WRAP73: variants seen among roughly 807,000 people sequenced by gnomAD.
WRAP73 encodes the protein WD repeat-containing protein WRAP73.
Under a neutral mutation model 59.6 loss-of-function variants are expected in WRAP73, and 55 were observed. The observed-to-expected ratio is 0.92, with a 90% CI of 0.74 to 1.15. The LOEUF is 1.15. WRAP73 is among the 50% of genes most tolerant of loss of function. The pLI, the probability that WRAP73 is intolerant of heterozygous loss-of-function variation, is 0.00. For missense variants in WRAP73, 592 were observed against 608.1 expected, an observed-to-expected ratio of 0.97 and a Z score of 0.28; for synonymous variants, 265 against 258.2, an observed-to-expected ratio of 1.03 and a Z score of -0.25.
intron 10 of WRAP73, chr1:3,631,878 C>G (rs1001468655): frequency 5.1e-6 from 7 of 1,363,908 alleles, no homozygotes; most frequent in Non-Finnish European, 6.6e-6. Context: ...GTGTTTCTTT[C>G]TTTGGTATTT....
chr1:3,636,933 A>G (rs753611384), intron 5 of WRAP73, 62 bp downstream of exon 5: 2 of 1,502,338 alleles, frequency 1.3e-6, no homozygotes, highest in Non-Finnish European at 1.8e-6. Flanking sequence ...GGAAGGATCT[A>G]CTTCACTCGA....
rs1644581440 is a variant in WRAP73 at position 3,635,501 on chromosome 1, G to A, written c.604-207C>T. 3 of 664,688 alleles carry A rather than the reference G, an allele frequency of 4.5e-6. No homozygotes were observed. In the South Asian group the frequency reaches 5.9e-5, roughly 13 times the overall value. The allele number at this position is 664,688 out of a possible 1,614,324, so 41.2% of individuals were successfully genotyped here. A position where few individuals can be genotyped will look rare whatever the true frequency, so the allele number is the denominator to read the frequency against. On this transcript the variant is annotated intron_variant, in intron 6 of 11. Coordinates refer to ENST00000270708, the MANE Select transcript of WRAP73 (RefSeq NM_017818.4). ...AGCATGAGGAAAAAGGGGAAATTGG[G>A]AGGTCAACCTAATGGCTCGCTGATA...
chr1:3,638,620 A>G, intron 4 of WRAP73, 130 bp downstream of exon 4: 1 of 939,094 alleles, frequency 1.1e-6, no homozygotes, highest in South Asian at 1.4e-5. Context: ...GTCTCCTTTA[A>G]AAGAGCCCAA....
intron 3 of WRAP73, among the ~76,000 whole-genome samples, chr1:3,644,752 G>C (rs1644673845): frequency 6.6e-6 from 1 of 152,214 alleles, no homozygotes; most frequent in Non-Finnish European, 1.5e-5. Context: ...TGTAGCAAAG[G>C]TGTTTTCAAT....
chr1:3,642,168 G>T lies in WRAP73; in HGVS notation c.340-3346C>A, dbSNP rs531127629. 4.6e-5 allele frequency among the ~76,000 whole-genome samples: 7 copies of T among 152,348 alleles called. No individual in the cohort carries two copies. In the East Asian group the frequency reaches 1.3e-3, roughly 29 times the overall value. On this transcript the variant is annotated intron_variant, in intron 3 of 11. Coordinates refer to ENST00000270708, the MANE Select transcript of WRAP73 (RefSeq NM_017818.4). ...TACAGGAGGCTGGGAAGGAAGGATT[G>T]CGTGAGTTTAGGAGCTCGAGACCAG...
intron 3 of WRAP73, among the ~76,000 whole-genome samples, chr1:3,641,254 G>A (rs72857310): frequency 0.064 from 9,740 of 151,742 alleles, 976 homozygotes; most frequent in African/African-American, 0.22. Flanking sequence ...TGCTGAAGAC[G>A]GAAGGAACGG....
At chr1:3,642,963 T>C (rs548234465) in intron 3 of WRAP73, among the ~76,000 whole-genome samples, 1 of 152,056 alleles carries the variant, frequency 6.6e-6, no homozygotes, top group East Asian at 1.9e-4. Flanking sequence ...ATTGTAATCC[T>C]GCCACAAAAG....
At chr1:3,631,208 G>A (rs1401757965) in intron 11 of WRAP73, 91 bp from the exon 12 acceptor site, 14 of 1,568,160 alleles carry the variant, frequency 8.9e-6, no homozygotes, top group Non-Finnish European at 1.1e-5. Flanking sequence ...CCAGCACAGT[G>A]CCTGGAGTGA....
intron 3 of WRAP73, among the ~76,000 whole-genome samples, chr1:3,643,645 G>C (rs1421616341): frequency 9.4e-6 from 1 of 106,774 alleles, no homozygotes; most frequent in Non-Finnish European, 2.0e-5. Context: ...TCGCGCCTTC[G>C]GAAGGGGACC....
chr1:3,635,895 T>C, intron 6 of WRAP73, 49 bp downstream of exon 6: 1 of 1,485,958 alleles, frequency 6.7e-7, no homozygotes, highest in South Asian at 1.2e-5. Flanking sequence ...AGCATGAAAT[T>C]CCGGGAAAAG....
intron 1 of WRAP73, among the ~76,000 whole-genome samples, chr1:3,648,340 C>T (rs1373705454): frequency 1.3e-5 from 2 of 152,150 alleles, no homozygotes; most frequent in South Asian, 2.1e-4. Flanking sequence ...TTAACTGCTT[C>T]GTTAGTTTTA....
rs1312972197 is a variant in WRAP73 at position 3,635,193 on chromosome 1, A to G, written c.705T>C (p.Ser235=). Residue 235 remains serine, a synonymous_variant, in exon 7 of 12, where the codon AGT becomes AGC. Coordinates refer to ENST00000270708, the MANE Select transcript of WRAP73 (RefSeq NM_017818.4). ...GIKSVAWSPS[S]QFLAVGSYDG... Reference sequence around the variant, plus strand: ...CATAGCTCCCAACTGCCAGGAACTGACTGCTGGGGCTCCAGGCCACAGACT... The same window carrying G: ...CATAGCTCCCAACTGCCAGGAACTGGCTGCTGGGGCTCCAGGCCACAGACT... 1 of 1,614,094 alleles carries G rather than the reference A, an allele frequency of 6.2e-7. No individual in the cohort carries two copies.
chr1:3,642,344 T>C (rs1040611511), intron 3 of WRAP73, among the ~76,000 whole-genome samples: 1 of 152,186 alleles, frequency 6.6e-6, no homozygotes, highest in Non-Finnish European at 1.5e-5. Flanking sequence ...TGCTGGCACA[T>C]AGGTGGACCA....
chr1:3,635,883 A>T, intron 6 of WRAP73, 61 bp downstream of exon 6: 1 of 1,398,136 alleles, frequency 7.2e-7, no homozygotes. Context: ...CAGCATTCAG[A>T]AAGCATGAAA....
chr1:3,647,609 G>C, intron 1 of WRAP73, 49 bp from the exon 2 acceptor site: 1 of 1,589,864 alleles, frequency 6.3e-7, no homozygotes, highest in Non-Finnish European at 8.6e-7. Flanking sequence ...CTCCAAAAGA[G>C]GGGGGCCTTC....
At position 3,633,435 on chromosome 1, in the gene WRAP73, C is replaced by G. The variant is rs77612789; in HGVS notation, c.885G>C (p.Arg295=). Residue 295 remains arginine (R), a synonymous_variant, in exon 9 of 12, where the codon CGG becomes CGC. Coordinates refer to ENST00000270708, the MANE Select transcript of WRAP73 (RefSeq NM_017818.4). ...GLGCLSFPPP[R]AGAGPLPSSE... ...AGCTCGGGAGAGGGCCGGCCCCGGCCCGGGGCGGCGGGAAGGAGAGGCAGC... is the reference window on the plus strand; with the variant it reads ...AGCTCGGGAGAGGGCCGGCCCCGGCGCGGGGCGGCGGGAAGGAGAGGCAGC... 2.3e-3 allele frequency: 3,716 copies of G among 1,612,200 alleles called. 72 individuals carry two copies. In the African/African-American group the frequency reaches 0.043, roughly 19 times the overall value.
In WRAP73 at chr1:3,639,058, G is replaced by C. The variant is rs1644614368; in HGVS notation, c.340-236C>G. 1 of 506,472 alleles carries C rather than the reference G, an allele frequency of 2.0e-6. No individual in the cohort carries two copies. Among genetic ancestry groups the C allele is most frequent in the Non-Finnish European group, 3.5e-6 (1 of 288,502 alleles). The allele number at this position is 506,472 out of a possible 1,614,324, so 31.4% of individuals were successfully genotyped here. On this transcript the variant is annotated intron_variant, in intron 3 of 11. Transcript: ENST00000270708. The surrounding 1 kb of genome is among the most constrained non-coding windows in gnomAD (Gnocchi z 4.3). ...TGTTGTTGTTTTATACCAAAATTGAGTGACACAAAGTTAAATCCAAGTGCT... is the reference window on the plus strand; with the variant it reads ...TGTTGTTGTTTTATACCAAAATTGACTGACACAAAGTTAAATCCAAGTGCT...
At chr1:3,649,614 G>A (rs907082339) in intron 1 of WRAP73, among the ~76,000 whole-genome samples, 2 of 149,816 alleles carry the variant, frequency 1.3e-5, no homozygotes, top group African/African-American at 4.9e-5. Flanking sequence ...GCACCTGTCC[G>A]GCCCCCATAT....
At chr1:3,633,530 G>A (rs377223084) in intron 8 of WRAP73, 27 bp from the exon 9 acceptor site, 24 of 1,546,916 alleles carry the variant, frequency 1.6e-5, no homozygotes, top group East Asian at 9.2e-5. Context: ...GGCCACGCCC[G>A]GCTCAGGACA....
Sources: allele counts gnomAD v4.1 joint callset (sites outside exome capture counted in the v4.1 genomes callset), GRCh38; gene constraint gnomAD v4.1.1; non-coding constraint Gnocchi (gnomAD v3.1); transcripts MANE v1.5; gene names NCBI Gene and HGNC (gene_info 2026-07-23, HGNC 2026-07-21).